SLC22A23: variants seen among roughly 807,000 people sequenced by gnomAD.
The protein encoded by SLC22A23 is ion transporter protein.
A neutral mutation model predicts 61.0 loss-of-function variants in SLC22A23; 26 were observed. The observed-to-expected ratio is 0.43, with a 90% CI of 0.31 to 0.59. The LOEUF (loss-of-function observed/expected upper bound fraction) is 0.59, where lower values mean the gene tolerates loss of function less well. Among genes scored for constraint, SLC22A23 ranks in the 20% least tolerant of loss-of-function variants. SLC22A23 has a pLI of 0.11. For synonymous variants in SLC22A23, 430 were observed against 413.9 expected (o/e 1.04, Z -0.47); for missense variants, 796 against 934.7 (o/e 0.85, Z 1.94).
intron 5 of SLC22A23, among the ~76,000 whole-genome samples, chr6:3,293,053 C>T (rs72839341): frequency 0.07 from 10,700 of 152,236 alleles, 452 homozygotes; most frequent in Admixed American, 0.12. Flanking sequence ...AGTGGCCACT[C>T]GCCCAAGACC....
intron 1 of SLC22A23, among the ~76,000 whole-genome samples, chr6:3,421,466 G>C (rs1347820385): frequency 6.6e-6 from 1 of 152,172 alleles, no homozygotes; most frequent in Non-Finnish European, 1.5e-5. Context: ...TTTTGAAAAT[G>C]AATGATCGAG....
At chr6:3,313,660 T>G (rs1762481482) in intron 4 of SLC22A23, 1 of 152,216 alleles carries the variant, frequency 6.6e-6, no homozygotes, top group Non-Finnish European at 1.5e-5. Flanking sequence ...AGTTGTTGTG[T>G]CTGTCAAGTT....
Position 3,298,143 on chromosome 6 carries a change from G to T in SLC22A23, c.1158C>A (p.Phe386Leu). ...FESAKRLILH[F>L]TQKNRMNPEG... ...CAGGGTTCATGCGATTCTTCTGTGT[G>T]AAGTGGAGGATCAGCCTCTTTGCAG... Residue 386 changes from phenylalanine (F) to leucine (L), a missense_variant, in exon 5 of 10, where the codon TTC (phenylalanine) becomes TTA (leucine). Phe to Leu is a conservative substitution (Grantham distance 22). Transcript: ENST00000406686. 1 of 1,590,612 alleles carries T rather than the reference G, an allele frequency of 6.3e-7. No individual in the cohort carries two copies. Among genetic ancestry groups the T allele is most frequent in the Non-Finnish European group, 8.5e-7 (1 of 1,171,032 alleles).
intron 4 of SLC22A23, among the ~76,000 whole-genome samples, chr6:3,300,740 G>GA (rs1025280591): frequency 3.9e-5 from 6 of 152,150 alleles, no homozygotes; most frequent in Admixed American, 3.3e-4. Context: ...ATACCTATTT[G>GA]AAAAAAGTCC....
chr6:3,376,790 T>G (rs1766598214), intron 3 of SLC22A23, among the ~76,000 whole-genome samples: 2 of 152,114 alleles, frequency 1.3e-5, no homozygotes, highest in South Asian at 4.2e-4. Flanking sequence ...AAGTAGGTCC[T>G]GCAGGGGTTT....
chr6:3,426,219 A>G (rs773517309), intron 1 of SLC22A23, among the ~76,000 whole-genome samples: 4 of 152,240 alleles, frequency 2.6e-5, no homozygotes, highest in Non-Finnish European at 5.9e-5. Context: ...AAGAAACTGA[A>G]TAAGAGGTGA....
At chr6:3,370,313 T>C (rs1474087977) in intron 3 of SLC22A23, among the ~76,000 whole-genome samples, 1 of 152,274 alleles carries the variant, frequency 6.6e-6, no homozygotes, top group African/African-American at 2.4e-5. Context: ...TCAGAGAGCC[T>C]TGACTGTGGG....
intron 1 of SLC22A23, among the ~76,000 whole-genome samples, chr6:3,430,240 T>C (rs1468486667): frequency 6.6e-6 from 1 of 152,172 alleles, no homozygotes; most frequent in Non-Finnish European, 1.5e-5. Flanking sequence ...CAGGCCTCTC[T>C]ATCTGACATC....
At chr6:3,363,965 T>C (rs923908705) in intron 3 of SLC22A23, among the ~76,000 whole-genome samples, 3 of 152,090 alleles carry the variant, frequency 2.0e-5, no homozygotes, top group East Asian at 3.9e-4. Context: ...TCGGGTGTAG[T>C]TGGGTGGGCC....
chr6:3,396,450 G>A (rs1768007795), intron 3 of SLC22A23, among the ~76,000 whole-genome samples: 1 of 152,208 alleles, frequency 6.6e-6, no homozygotes, highest in Admixed American at 6.5e-5. Context: ...TCGGGAGGCT[G>A]AGGCAGGAGA....
chr6:3,370,258 A>C (rs890787942), intron 3 of SLC22A23, among the ~76,000 whole-genome samples: 1 of 152,234 alleles, frequency 6.6e-6, no homozygotes, highest in Non-Finnish European at 1.5e-5. Flanking sequence ...AAATGACTGA[A>C]AGGGAAATTA....
At chr6:3,345,095 G>C (rs901133389) in intron 3 of SLC22A23, among the ~76,000 whole-genome samples, 47 of 152,306 alleles carry the variant, frequency 3.1e-4, no homozygotes, top group African/African-American at 1.1e-3. Context: ...AGAACAATTG[G>C]CTTTGTCAGA....
chr6:3,357,357 G>A (rs997884896), intron 3 of SLC22A23, among the ~76,000 whole-genome samples: 2 of 152,102 alleles, frequency 1.3e-5, no homozygotes, highest in Non-Finnish European at 2.9e-5. Flanking sequence ...TTTAAATGGG[G>A]TTGTGGCTCA....
intron 4 of SLC22A23, among the ~76,000 whole-genome samples, chr6:3,315,068 C>CT (rs1762560578): frequency 6.6e-6 from 1 of 152,178 alleles, no homozygotes; most frequent in Non-Finnish European, 1.5e-5. Flanking sequence ...GCGTTTCTAT[C>CT]TCTAGGCGTT....
At chr6:3,399,841 C>T (rs1768260871) in intron 3 of SLC22A23, among the ~76,000 whole-genome samples, 1 of 151,792 alleles carries the variant, frequency 6.6e-6, no homozygotes, top group Non-Finnish European at 1.5e-5. Flanking sequence ...TCCTCTCCTA[C>T]CCCTGAAGTG....
At chr6:3,344,548 G>A (rs1489912278) in intron 3 of SLC22A23, among the ~76,000 whole-genome samples, 1 of 152,142 alleles carries the variant, frequency 6.6e-6, no homozygotes, top group East Asian at 1.9e-4. Context: ...CAAACAGCCT[G>A]GGTTCTAAAT....
At position 3,410,384 on chromosome 6, in the gene SLC22A23, A is replaced by T. The variant is rs545905257; in HGVS notation, c.759-42T>A. The T allele has an allele frequency of 1.3e-6, 2 of 1,535,266 alleles. No individual in the cohort carries two copies. The highest frequency in any genetic ancestry group is 2.4e-5 in the East Asian group (1 of 41,268). The stretch of plus-strand genomic sequence containing the variant: ...AAAAAGTTAGGAATCATTGTGAAAC[A>T]AGACAATGACGCTAGATGCTGAAAC... On this transcript the variant is annotated intron_variant, in intron 2 of 9. Coordinates refer to ENST00000406686, the MANE Select transcript of SLC22A23 (RefSeq NM_015482.2). The surrounding 1 kb of genome is among the most constrained non-coding windows in gnomAD (Gnocchi z 5.0).
chr6:3,391,975 C>T (rs1355406206), intron 3 of SLC22A23, among the ~76,000 whole-genome samples: 2 of 152,172 alleles, frequency 1.3e-5, no homozygotes, highest in African/African-American at 4.8e-5. Context: ...ATCAAAGGGC[C>T]AAACCATGCA....
chr6:3,307,565 T>C (rs1297411420), intron 4 of SLC22A23, among the ~76,000 whole-genome samples: 8 of 152,260 alleles, frequency 5.3e-5, no homozygotes, highest in Non-Finnish European at 1.0e-4. Context: ...GATAGTCATA[T>C]GCTGGACGGC....
Sources: gnomAD v4.1 joint callset for allele counts (sites outside exome capture counted in the v4.1 genomes callset) on GRCh38, gnomAD v4.1.1 for gene constraint, Gnocchi (gnomAD v3.1) non-coding constraint, MANE v1.5 for transcripts, NCBI Gene and HGNC (gene_info 2026-07-23, HGNC 2026-07-21) for gene names.